Variants in TRPC4 observed in about 807,000 individuals in gnomAD.
TRPC4 encodes the protein short transient receptor potential channel 4.
TRPC4 carries 49 observed loss-of-function variants against 99.4 expected under a neutral mutation model. That is an observed-to-expected ratio of 0.49 (90% CI 0.39 to 0.63). The LOEUF is 0.63. Ranked by LOEUF, TRPC4 falls within the 20% of genes least tolerant of loss-of-function variation. The probability of loss-of-function intolerance (pLI) is 0.00; values close to 1 mark genes in which losing one functional copy is unlikely to be tolerated. For synonymous variants in TRPC4, 454 were observed against 425.9 expected (o/e 1.07, Z -0.81); for missense variants, 898 against 1,152.9 (o/e 0.78, Z 3.20).
At chr13:37,816,919 C>G (rs117611209) in intron 1 of TRPC4, among the ~76,000 whole-genome samples, 9 of 151,886 alleles carry the variant, frequency 5.9e-5, no homozygotes, top group Non-Finnish European at 1.2e-4. Flanking sequence ...CCACATATTA[C>G]TAAATGGCAC....
intron 3 of TRPC4, among the ~76,000 whole-genome samples, chr13:37,698,708 C>T (rs1034742085): frequency 6.6e-6 from 1 of 152,064 alleles, no homozygotes; most frequent in Non-Finnish European, 1.5e-5. Context: ...TAATCTCCAC[C>T]AAATCACTGA....
intron 3 of TRPC4, 40 bp downstream of exon 3, chr13:37,745,897 C>G (rs1479624211): frequency 1.3e-6 from 2 of 1,574,684 alleles, no homozygotes; most frequent in African/African-American, 1.4e-5. Flanking sequence ...TGTGATTAAA[C>G]TCTATGGCAT....
chr13:37,654,263 G>T (rs1231490602), intron 7 of TRPC4, among the ~76,000 whole-genome samples: 1 of 152,054 alleles, frequency 6.6e-6, no homozygotes, highest in Non-Finnish European at 1.5e-5. Flanking sequence ...TATTTATGAA[G>T]AAAATGGGAA....
At chr13:37,646,512 A>C (rs1477218907) in intron 8 of TRPC4, among the ~76,000 whole-genome samples, 1 of 152,152 alleles carries the variant, frequency 6.6e-6, no homozygotes, top group Non-Finnish European at 1.5e-5. Context: ...ATGGATCGGG[A>C]CCTTTTGAGC....
intron 3 of TRPC4, among the ~76,000 whole-genome samples, chr13:37,698,474 G>C (rs1235991352): frequency 6.6e-6 from 1 of 151,828 alleles, no homozygotes; most frequent in East Asian, 1.9e-4. Flanking sequence ...AAATACCTTT[G>C]AATAATGTGG....
chr13:37,783,666 G>A (rs1311458658), intron 1 of TRPC4, among the ~76,000 whole-genome samples: 2 of 151,976 alleles, frequency 1.3e-5, no homozygotes, highest in Admixed American at 6.6e-5. Context: ...TATTTACAAA[G>A]TTTATCGTAA....
At chr13:37,709,905 T>C (rs1203666228) in intron 3 of TRPC4, among the ~76,000 whole-genome samples, 1 of 152,008 alleles carries the variant, frequency 6.6e-6, no homozygotes, top group Non-Finnish European at 1.5e-5. Context: ...AAACAAATTT[T>C]ACCTACTGTT....
At chr13:37,842,343 C>CAAAAAAAAAA (rs57428116) in intron 1 of TRPC4, among the ~76,000 whole-genome samples, 6 of 15,648 alleles carry the variant, frequency 3.8e-4, no homozygotes, top group East Asian at 2.2e-3. Context: ...AGCGTCTAGC[C>CAAAAAAAAAA]AAAAAAAAAA....
At chr13:37,834,952 C>A (rs895452901) in intron 1 of TRPC4, among the ~76,000 whole-genome samples, 5 of 151,944 alleles carry the variant, frequency 3.3e-5, no homozygotes, top group Non-Finnish European at 7.4e-5. Context: ...CCAGGCTGGT[C>A]TTGAACTCCT....
At chr13:37,864,220 T>A (rs576339288) in intron 1 of TRPC4, among the ~76,000 whole-genome samples, 8 of 151,748 alleles carry the variant, frequency 5.3e-5, no homozygotes, top group African/African-American at 1.7e-4. Context: ...CAGTAAGCAT[T>A]CCTGAGAAAC....
chr13:37,637,407 A>T lies in TRPC4; in HGVS notation c.2430T>A (p.Ile810=), dbSNP rs1394886513. The part of the protein sequence containing the change: ...TTLIHPRSAA[I]ASERHNISNG... The stretch of plus-strand genomic sequence containing the variant: ...TGCTTATGTTATGTCTTTCAGAGGC[A>T]ATTGCTGCTGATCTCGGATGAATCA... The change falls in exon 11 of 11, where the codon ATT becomes ATA. Residue 810 remains isoleucine, a synonymous_variant. Transcript: ENST00000379705. The T allele has an allele frequency of 6.2e-7, 1 of 1,613,692 alleles. No homozygotes were observed. The highest frequency in any genetic ancestry group is 8.5e-7 in the Non-Finnish European group (1 of 1,179,826).
intron 1 of TRPC4, among the ~76,000 whole-genome samples, chr13:37,868,970 G>GTCATTGGCT (rs887732068): frequency 1.3e-5 from 2 of 152,108 alleles, no homozygotes; most frequent in African/African-American, 4.8e-5. Context: ...AGCAAACCGG[G>GTCATTGGCT]TCATTGGCTT....
chr13:37,816,926 G>A (rs1274546190), intron 1 of TRPC4, among the ~76,000 whole-genome samples: 1 of 151,876 alleles, frequency 6.6e-6, no homozygotes, highest in African/African-American at 2.4e-5. Context: ...TTACTAAATG[G>A]CACAAGCTGG....
chr13:37,776,237 T>G (rs1441368317), intron 2 of TRPC4, among the ~76,000 whole-genome samples: 1 of 151,852 alleles, frequency 6.6e-6, no homozygotes, highest in Non-Finnish European at 1.5e-5. Context: ...TTGTTTATAT[T>G]GACTACATTG....
intron 3 of TRPC4, among the ~76,000 whole-genome samples, chr13:37,726,123 G>C (rs1295439186): frequency 6.6e-6 from 1 of 151,710 alleles, no homozygotes; most frequent in East Asian, 1.9e-4. Flanking sequence ...TTGAACCCAG[G>C]AGGCGGAGGT....
rs56687878 is a variant in TRPC4, at chr13:37,755,201, C to T, written c.379-8746G>A. Among the ~76,000 whole-genome samples the T allele has an allele frequency of 9.1e-3, 1,383 of 151,490 alleles. 13 individuals carry two copies. Among genetic ancestry groups the T allele is most frequent in the African/African-American group, 0.032 (1,322 of 41,248 alleles). On this transcript the variant is annotated intron_variant, in intron 2 of 10. Transcript: ENST00000379705. ...ATATTGAGTAAAAACAATTTACTGACATAATACTGTTTGGCATACACTAGA... is the reference window on the plus strand; with the variant it reads ...ATATTGAGTAAAAACAATTTACTGATATAATACTGTTTGGCATACACTAGA...
chr13:37,766,069 T>C (rs532254072), intron 2 of TRPC4, among the ~76,000 whole-genome samples: 1 of 151,548 alleles, frequency 6.6e-6, no homozygotes, highest in East Asian at 2.0e-4. Flanking sequence ...TGAAAGTTGA[T>C]ATAATTAAGT....
intron 1 of TRPC4, among the ~76,000 whole-genome samples, chr13:37,859,064 A>T (rs1254901454): frequency 6.6e-6 from 1 of 151,476 alleles, no homozygotes; most frequent in East Asian, 1.9e-4. Context: ...TACACCTACT[A>T]TGTACACAAA....
At chr13:37,794,737 A>C (rs989535502) in intron 1 of TRPC4, among the ~76,000 whole-genome samples, 1 of 152,144 alleles carries the variant, frequency 6.6e-6, no homozygotes, top group African/African-American at 2.4e-5. Context: ...TCCATGCTTC[A>C]ATCAAGCTAT....
Sources: gnomAD v4.1 joint callset for allele counts (sites outside exome capture counted in the v4.1 genomes callset) on GRCh38, gnomAD v4.1.1 for gene constraint, MANE v1.5 for transcripts, NCBI Gene and HGNC (gene_info 2026-07-23, HGNC 2026-07-21) for gene names.